UGT1A9: variants seen among roughly 807,000 people sequenced by gnomAD.
UGT1A9 encodes UDP glucuronosyltransferase family 1 member A9.
Under a neutral mutation model 45.0 loss-of-function variants are expected in UGT1A9, and 35 were observed. That is an observed-to-expected ratio of 0.78 (90% CI 0.59 to 1.03). UGT1A9 has a LOEUF of 1.03. UGT1A9 is among the 50% of genes least tolerant of loss of function. The pLI is 0.00. For synonymous variants in UGT1A9, 278 were observed against 250.6 expected (o/e 1.11, Z -1.03); for missense variants, 687 against 666.6 (o/e 1.03, Z -0.34).
At position 233,763,257 on chromosome 2, in the gene UGT1A9, T is replaced by C. The variant is rs187516962; in HGVS notation, c.856-3777T>C. On this transcript the variant is annotated intron_variant, in intron 1 of 4. Transcript: ENST00000354728. ...AATTGTACCTTTTAGTAACCTGTTTTGTCTTGTTGCATGTTTTAATCTGAA... is the reference window on the plus strand; with the variant it reads ...AATTGTACCTTTTAGTAACCTGTTTCGTCTTGTTGCATGTTTTAATCTGAA... 1.1e-3 allele frequency among the ~76,000 whole-genome samples: 161 copies of C among 152,386 alleles called. 7 individuals carry two copies. The South Asian group carries it at 0.032, about 31-fold the overall frequency.
chr2:233,692,974 T>C, intron 1 of UGT1A9: 1 of 1,612,390 alleles, frequency 6.2e-7, no homozygotes, highest in South Asian at 1.1e-5. Flanking sequence ...GAAAACTCTT[T>C]ATTACCGTTG....
chr2:233,724,297 C>A (rs2077212322), intron 1 of UGT1A9, among the ~76,000 whole-genome samples: 2 of 146,144 alleles, frequency 1.4e-5, no homozygotes, highest in South Asian at 4.7e-4. Flanking sequence ...GCTGACCCCC[C>A]CACCTCCCTC....
intron 1 of UGT1A9, among the ~76,000 whole-genome samples, chr2:233,714,532 T>A (rs1427036802): frequency 1.3e-5 from 2 of 152,206 alleles, no homozygotes; most frequent in African/African-American, 4.8e-5. Flanking sequence ...CTTCATGGTC[T>A]AATACCGAAG....
chr2:233,709,753 T>A (rs1405121833), intron 1 of UGT1A9, among the ~76,000 whole-genome samples: 1 of 152,244 alleles, frequency 6.6e-6, no homozygotes, highest in Non-Finnish European at 1.5e-5. Context: ...ATAAACATTA[T>A]TGGAGTATTA....
chr2:233,739,318 A>G (rs1691049780), intron 1 of UGT1A9, among the ~76,000 whole-genome samples: 1 of 152,136 alleles, frequency 6.6e-6, no homozygotes, highest in African/African-American at 2.4e-5. Flanking sequence ...GAGTTGTGAG[A>G]AGAAGGCCAC....
chr2:233,707,168 A>G lies in UGT1A9; in HGVS notation c.855+34379A>G, dbSNP rs564906644. Among the ~76,000 whole-genome samples the G allele has an allele frequency of 1.5e-4, 23 of 152,172 alleles. No homozygotes were observed. The East Asian group carries it at 4.3e-3, about 28-fold the overall frequency. On this transcript the variant is annotated intron_variant, in intron 1 of 4. Transcript: ENST00000354728. ...CACTGCAGTTTATCAGCACCCAGAC[A>G]TCCATCCTGGGTGCCTGCCCTCCGT...
chr2:233,760,883 C>G lies in UGT1A9; in HGVS notation c.856-6151C>G, dbSNP rs550460320. On this transcript the variant is annotated intron_variant, in intron 1 of 4. Coordinates refer to ENST00000354728, the MANE Select transcript of UGT1A9 (RefSeq NM_021027.3). ...TCCTACGTGCCCAGGCCTCTCTCCT[C>G]TCATTCAGATCACATGACCTTCCTG... 4 of 1,614,168 alleles carry G rather than the reference C, an allele frequency of 2.5e-6. No individual in the cohort carries two copies. The East Asian group carries it at 6.7e-5, about 27-fold the overall frequency.
chr2:233,747,346 G>A (rs1006096980), intron 1 of UGT1A9: 37 of 1,603,044 alleles, frequency 2.3e-5, no homozygotes, highest in African/African-American at 1.5e-4. Context: ...GCTCGCATGC[G>A]GGAGGCCGTG....
At chr2:233,718,766 A>G in intron 1 of UGT1A9, 1 of 1,612,768 alleles carries the variant, frequency 6.2e-7, no homozygotes, top group Non-Finnish European at 8.5e-7. Context: ...GAAGGAAACA[A>G]ATGTAGCAGG....
At position 233,693,225 on chromosome 2, in the gene UGT1A9, C is replaced by A. The variant is rs750266528; in HGVS notation, c.855+20436C>A. 6 of 1,614,160 alleles carry A rather than the reference C, an allele frequency of 3.7e-6. No individual in the cohort carries two copies. In the South Asian group the frequency reaches 6.6e-5, roughly 18 times the overall value. ...CTTTTGAAAGAATCCAAATACTACA[C>A]AAGAAAAATCTATCCAGTGCCGTAT... is the stretch of plus-strand genomic sequence containing the variant. On this transcript the variant is annotated intron_variant, in intron 1 of 4. Coordinates refer to ENST00000354728, the MANE Select transcript of UGT1A9 (RefSeq NM_021027.3).
At chr2:233,684,170 G>A (rs6724485) in intron 1 of UGT1A9, among the ~76,000 whole-genome samples, 59,176 of 151,910 alleles carry the variant, frequency 0.39, 11,712 homozygotes, top group South Asian at 0.45. Flanking sequence ...TCTCATATTG[G>A]CAGATGTTTG....
chr2:233,703,244 G>T (rs893110663), intron 1 of UGT1A9, among the ~76,000 whole-genome samples: 31 of 152,172 alleles, frequency 2.0e-4, no homozygotes, highest in African/African-American at 7.2e-4. Context: ...AAATGGCCCA[G>T]AGTGTTCCCT....
chr2:233,690,756 GACATACACACACACACACAT>G (rs1040043100), intron 1 of UGT1A9: 5 of 1,106,974 alleles, frequency 4.5e-6, no homozygotes, highest in African/African-American at 4.7e-5. Flanking sequence ...GTCCAGTGCA[GACATACACACACACACACAT>G]ACACACACAC....
At chr2:233,707,847 T>A (rs2075990854) in intron 1 of UGT1A9, among the ~76,000 whole-genome samples, 1 of 152,212 alleles carries the variant, frequency 6.6e-6, no homozygotes, top group South Asian at 2.1e-4. Context: ...GTAACTATTT[T>A]TCAGAGTGGT....
chr2:233,745,020 A>G (rs1324116484), intron 1 of UGT1A9, among the ~76,000 whole-genome samples: 3 of 151,866 alleles, frequency 2.0e-5, no homozygotes, highest in Admixed American at 2.0e-4. Flanking sequence ...TGTAAATGCT[A>G]TGTAAATAGT....
intron 1 of UGT1A9, chr2:233,754,464 G>A (rs748886391): frequency 1.4e-5 from 5 of 356,342 alleles, no homozygotes; most frequent in Non-Finnish European, 2.2e-5. Flanking sequence ...CAGCTGTTCT[G>A]AAAGTAAAGT....
At chr2:233,714,585 C>T (rs1055592636) in intron 1 of UGT1A9, among the ~76,000 whole-genome samples, 2 of 152,172 alleles carry the variant, frequency 1.3e-5, no homozygotes, top group East Asian at 3.8e-4. Context: ...ATAATTTAAA[C>T]TTTTCTAGTG....
At chr2:233,729,013 C>T (rs1190048509) in intron 1 of UGT1A9, 1 of 1,586,394 alleles carries the variant, frequency 6.3e-7, no homozygotes, top group Non-Finnish European at 8.6e-7. Context: ...CTCTGTCTTC[C>T]AATTACACGT....
rs1262132657 is a variant in UGT1A9 at position 233,717,698 on chromosome 2, A to G, written c.855+44909A>G. 9.0e-6 allele frequency: 4 copies of G among 446,168 alleles called. No homozygotes were observed. In the Admixed American group the frequency reaches 9.5e-5, roughly 11 times the overall value. The allele number at this position is 446,168 out of a possible 1,614,324, so 27.6% of individuals were successfully genotyped here. A position where few individuals can be genotyped will look rare whatever the true frequency, so the allele number is the denominator to read the frequency against. On this transcript the variant is annotated intron_variant, in intron 1 of 4. Transcript: ENST00000354728. Reference sequence around the variant, plus strand: ...AGCACATGTAGGAGTGACTTTCTGGAGCAGGACGAGCCTCATGGGCATGAG... The same window carrying G: ...AGCACATGTAGGAGTGACTTTCTGGGGCAGGACGAGCCTCATGGGCATGAG...
Sources: allele counts gnomAD v4.1 joint callset (sites outside exome capture counted in the v4.1 genomes callset), GRCh38; gene constraint gnomAD v4.1.1; transcripts MANE v1.5; gene names NCBI Gene and HGNC (gene_info 2026-07-23, HGNC 2026-07-21).